Variants in CYB5R4 observed in about 807,000 individuals in gnomAD.
The protein encoded by CYB5R4 is cytochrome b5 reductase 4.
Under a neutral mutation model 70.2 loss-of-function variants are expected in CYB5R4, and 55 were observed. That is an observed-to-expected ratio of 0.78 (90% confidence interval 0.63 to 0.98). The LOEUF (loss-of-function observed/expected upper bound fraction) is 0.98, where lower values mean the gene tolerates loss of function less well. Among genes scored for constraint, CYB5R4 ranks in the 50% least tolerant of loss-of-function variants. The pLI, the probability that CYB5R4 is intolerant of heterozygous loss-of-function variation, is 0.00. For missense variants in CYB5R4, 562 were observed against 612.6 expected (o/e 0.92, Z 0.87); for synonymous variants, 197 against 199.5 (o/e 0.99, Z 0.11).
At chr6:83,953,112 C>G (rs974363231) in intron 14 of CYB5R4, among the ~76,000 whole-genome samples, 2 of 152,024 alleles carry the variant, frequency 1.3e-5, no homozygotes, top group Non-Finnish European at 2.9e-5. Flanking sequence ...ATGTGTTCCC[C>G]GGAATGGACT....
Position 83,936,393 on chromosome 6 carries a change from T to G in CYB5R4, c.1108+17T>G, listed in dbSNP as rs186708559. On this transcript the variant is annotated intron_variant, in intron 12 of 15. Coordinates refer to ENST00000369681, the MANE Select transcript of CYB5R4 (RefSeq NM_016230.4). ...TTCAGATTGGTTAGTATTTTTACAT[T>G]TTTTAAACCTCATTTGTGCTCTAGA... 6.4e-5 allele frequency: 103 copies of G among 1,608,268 alleles called. No homozygotes were observed. In the African/African-American group the frequency reaches 1.0e-3, roughly 16 times the overall value.
At chr6:83,939,985 T>G in intron 12 of CYB5R4, 71 bp from the exon 13 acceptor site, 1 of 1,185,246 alleles carries the variant, frequency 8.4e-7, no homozygotes, top group Non-Finnish European at 1.2e-6. Context: ...GCTTCTTAGT[T>G]TCCCCGCTGG....
At chr6:83,932,324 A>T (rs558362519) in intron 10 of CYB5R4, among the ~76,000 whole-genome samples, 23 of 152,318 alleles carry the variant, frequency 1.5e-4, no homozygotes, top group African/African-American at 5.5e-4. Context: ...GAAAGTCAGT[A>T]AATCACTGTA....
At chr6:83,899,771 C>T (rs1394147464) in intron 3 of CYB5R4, among the ~76,000 whole-genome samples, 1 of 152,016 alleles carries the variant, frequency 6.6e-6, no homozygotes. Context: ...TTATAGTATT[C>T]TCTGATGGTA....
At chr6:83,927,985 TGTTTAAGACACTTG>T (rs2099467589) in intron 10 of CYB5R4, among the ~76,000 whole-genome samples, 2 of 152,220 alleles carry the variant, frequency 1.3e-5, no homozygotes, top group African/African-American at 4.8e-5. Flanking sequence ...TTAGGAATTC[TGTTTAAGACACTTG>T]TAGTACTTAG....
intron 15 of CYB5R4, 139 bp downstream of exon 15, chr6:83,955,601 A>G (rs2099472206): frequency 3.6e-6 from 3 of 827,704 alleles, no homozygotes; most frequent in South Asian, 5.3e-5. Context: ...CAAAGTCTTT[A>G]AATCTTCGTA....
intron 2 of CYB5R4, among the ~76,000 whole-genome samples, chr6:83,868,109 T>C (rs943923562): frequency 6.6e-6 from 1 of 152,178 alleles, no homozygotes; most frequent in Non-Finnish European, 1.5e-5. Context: ...AGGTTAGAGA[T>C]AGTGTTTGGA....
chr6:83,955,555 A>G, intron 15 of CYB5R4, 93 bp downstream of exon 15: 1 of 1,180,652 alleles, frequency 8.5e-7, no homozygotes. Context: ...TTTATATGAA[A>G]CTGCACTTTA....
intron 11 of CYB5R4, among the ~76,000 whole-genome samples, chr6:83,935,200 A>T (rs1196958091): frequency 6.6e-6 from 1 of 152,200 alleles, no homozygotes; most frequent in African/African-American, 2.4e-5. Flanking sequence ...ATAAATGTAT[A>T]AATATGAATT....
chr6:83,873,235 CTTTTTTT>C lies in CYB5R4; in HGVS notation c.229+8925_229+8931del, dbSNP rs927399068. Reference sequence around the variant, plus strand: ...GTTAAGAATCATATAGGGTATCCTTCTTTTTTTTTTTTTTTTTTTTTTTTGACAGGGT... The same window carrying C: ...GTTAAGAATCATATAGGGTATCCTTCTTTTTTTTTTTTTTTTTGACAGGGT... On this transcript the variant is annotated intron_variant, in intron 2 of 15. Coordinates refer to ENST00000369681, the MANE Select transcript of CYB5R4 (RefSeq NM_016230.4). 3.4e-3 allele frequency among the ~76,000 whole-genome samples: 340 copies of C among 99,784 alleles called. 1 individual carries two copies. The highest frequency in any genetic ancestry group is 0.014 in the African/African-American group (325 of 23,380). The allele number at this position is 99,784 out of a possible 152,430, so 65.5% of individuals were successfully genotyped here. A position where few individuals can be genotyped will look rare whatever the true frequency, so the allele number is the denominator to read the frequency against.
rs1588591224 is a variant in CYB5R4 at position 83,962,327 on chromosome 6, G to A, written c.*2449G>A. ...CTTGGAGGAAAAAATCCCCTAAGTA[G>A]AGCCTCAGTCTTCCAATGAATGCAA... On this transcript the variant is annotated 3_prime_UTR_variant, in exon 16 of 16. Coordinates refer to ENST00000369681, the MANE Select transcript of CYB5R4 (RefSeq NM_016230.4). 6.6e-6 allele frequency: 1 copy of A among 152,216 alleles called. No individual in the cohort carries two copies. Among genetic ancestry groups the A allele is most frequent in the East Asian group, 1.9e-4 (1 of 5,174 alleles). 9.4% of individuals were successfully genotyped at this position (152,216 alleles called of 1,614,324 possible). A position where few individuals can be genotyped will look rare whatever the true frequency, so the allele number is the denominator to read the frequency against.
chr6:83,952,780 G>T (rs866351976), intron 14 of CYB5R4, among the ~76,000 whole-genome samples: 1 of 151,276 alleles, frequency 6.6e-6, no homozygotes, highest in South Asian at 2.1e-4. Context: ...TTATATATCA[G>T]ATAGACATAG....
intron 2 of CYB5R4, among the ~76,000 whole-genome samples, chr6:83,890,729 T>C (rs1054583723): frequency 6.6e-6 from 1 of 151,992 alleles, no homozygotes; most frequent in East Asian, 1.9e-4. Flanking sequence ...TTTTAAGAAA[T>C]TGTCACCGCC....
At chr6:83,914,533 A>AT (rs1213142430) in intron 5 of CYB5R4, 85 bp downstream of exon 5, 3 of 1,279,562 alleles carry the variant, frequency 2.3e-6, no homozygotes, top group East Asian at 3.0e-5. Context: ...GGGCATTTAA[A>AT]TTTTTTTCTT....
chr6:83,917,278 T>C (rs1456615879), intron 5 of CYB5R4, among the ~76,000 whole-genome samples: 2 of 152,100 alleles, frequency 1.3e-5, no homozygotes, highest in Non-Finnish European at 2.9e-5. Context: ...TCAAACACTT[T>C]TTACTGTGGT....
chr6:83,891,371 G>A (rs771732335), intron 2 of CYB5R4, among the ~76,000 whole-genome samples: 5 of 152,146 alleles, frequency 3.3e-5, no homozygotes, highest in South Asian at 2.1e-4. Flanking sequence ...AATAAAGCAC[G>A]AAGAAAAAGC....
At position 83,914,830 on chromosome 6, in the gene CYB5R4, C is replaced by A. The variant is rs543303147; in HGVS notation, c.445+382C>A. Among the ~76,000 whole-genome samples, 5 of 119,122 alleles carry A rather than the reference C, an allele frequency of 4.2e-5. No homozygotes were observed. In the East Asian group the frequency reaches 1.3e-3, roughly 30 times the overall value. The allele number at this position is 119,122 out of a possible 152,430, so 78.1% of individuals were successfully genotyped here. A position where few individuals can be genotyped will look rare whatever the true frequency, so the allele number is the denominator to read the frequency against. Reference sequence around the variant, plus strand: ...GATTACGGGCGTGAGCCACTGTGCCCGGCCTAGATTTTTTTTTTTTTTTTT... The same window carrying A: ...GATTACGGGCGTGAGCCACTGTGCCAGGCCTAGATTTTTTTTTTTTTTTTT... On this transcript the variant is annotated intron_variant, in intron 5 of 15. Transcript: ENST00000369681.
intron 2 of CYB5R4, among the ~76,000 whole-genome samples, chr6:83,872,438 T>A (rs887854345): frequency 2.6e-5 from 4 of 152,208 alleles, no homozygotes; most frequent in Admixed American, 2.6e-4. Flanking sequence ...AAACTGAAGC[T>A]GATAAAATCT....
At chr6:83,873,025 C>A (rs2099457892) in intron 2 of CYB5R4, among the ~76,000 whole-genome samples, 1 of 152,124 alleles carries the variant, frequency 6.6e-6, no homozygotes, top group South Asian at 2.1e-4. Flanking sequence ...CAGCCTTATT[C>A]TAAGCCTTTA....
Sources: gnomAD v4.1 joint callset for allele counts (sites outside exome capture counted in the v4.1 genomes callset) on GRCh38, gnomAD v4.1.1 for gene constraint, MANE v1.5 for transcripts, NCBI Gene and HGNC (gene_info 2026-07-23, HGNC 2026-07-21) for gene names.